FHOD3: variants seen among roughly 807,000 people sequenced by gnomAD.
FHOD3 encodes formin homology 2 domain containing 3.
In FHOD3, 90 loss-of-function variants were observed where a neutral mutation model predicts 173.0. That is an observed-to-expected ratio of 0.52 (90% CI 0.44 to 0.62). The LOEUF is 0.62. Ranked by LOEUF, FHOD3 falls within the 20% of genes least tolerant of loss-of-function variation. The pLI is 0.00. For synonymous variants in FHOD3, 828 were observed against 823.0 expected (o/e 1.01, Z -0.10); for missense variants, 1,945 against 2,034.7 (o/e 0.96, Z 0.85).
At chr18:36,551,531 T>A (rs569360321) in intron 5 of FHOD3, among the ~76,000 whole-genome samples, 2 of 152,324 alleles carry the variant, frequency 1.3e-5, no homozygotes, top group African/African-American at 4.8e-5. Context: ...TTTTGGCTTT[T>A]GTTGCCGTTG....
intron 1 of FHOD3, among the ~76,000 whole-genome samples, chr18:36,314,756 CAG>C (rs1487042136): frequency 1.3e-5 from 2 of 152,154 alleles, no homozygotes; most frequent in African/African-American, 2.4e-5. Flanking sequence ...AATGAAAAAC[CAG>C]AGTCTATCTT....
chr18:36,746,482 A>G (rs1218868535), intron 23 of FHOD3, among the ~76,000 whole-genome samples: 1 of 152,202 alleles, frequency 6.6e-6, no homozygotes, highest in Non-Finnish European at 1.5e-5. Flanking sequence ...TATAAAGGAG[A>G]TCATCACGAA....
rs1186373213 is a variant in FHOD3 at position 36,780,072 on chromosome 18, A to C, written c.*542A>C. 5 of 1,116,216 alleles carry C rather than the reference A, an allele frequency of 4.5e-6. No individual in the cohort carries two copies. In the African/African-American group the frequency reaches 8.1e-5, roughly 18 times the overall value. The allele number at this position is 1,116,216 out of a possible 1,614,324, so 69.1% of individuals were successfully genotyped here. A position where few individuals can be genotyped will look rare whatever the true frequency, so the allele number is the denominator to read the frequency against. ...TTTAATGCCATAATGAGAAACTTTT[A>C]TTCTTCTGGGAACAGGACCTTAAAC... is the stretch of plus-strand genomic sequence containing the variant. On this transcript the variant is annotated 3_prime_UTR_variant, in exon 29 of 29. Coordinates refer to ENST00000590592, the MANE Select transcript of FHOD3 (RefSeq NM_001281740.3).
At chr18:36,456,865 G>A (rs187120263) in intron 3 of FHOD3, among the ~76,000 whole-genome samples, 2 of 152,104 alleles carry the variant, frequency 1.3e-5, no homozygotes, top group Admixed American at 1.3e-4. Flanking sequence ...ATTTAGTGCT[G>A]ACTAAGTGTG....
intron 14 of FHOD3, among the ~76,000 whole-genome samples, chr18:36,675,621 A>G (rs2037806944): frequency 6.6e-6 from 1 of 152,160 alleles, no homozygotes; most frequent in African/African-American, 2.4e-5. Context: ...AGCTGTTGCC[A>G]GTGGGAAGGG....
At chr18:36,454,100 C>T (rs1265298713) in intron 3 of FHOD3, among the ~76,000 whole-genome samples, 1 of 152,248 alleles carries the variant, frequency 6.6e-6, no homozygotes, top group Non-Finnish European at 1.5e-5. Flanking sequence ...CATGAGAGCT[C>T]GGGCAGTGTT....
chr18:36,361,920 G>A (rs962499316), intron 2 of FHOD3, among the ~76,000 whole-genome samples: 1 of 152,154 alleles, frequency 6.6e-6, no homozygotes, highest in Admixed American at 6.5e-5. Flanking sequence ...TCAAAGTTGA[G>A]AACCACTGCG....
At chr18:36,636,617 A>G (rs2034902780) in intron 10 of FHOD3, among the ~76,000 whole-genome samples, 1 of 151,836 alleles carries the variant, frequency 6.6e-6, no homozygotes, top group Non-Finnish European at 1.5e-5. Flanking sequence ...CTCAATTACC[A>G]TATCCACATG....
intron 11 of FHOD3, 66 bp downstream of exon 11, chr18:36,649,471 A>G (rs1473673653): frequency 7.8e-7 from 1 of 1,284,604 alleles, no homozygotes; most frequent in Non-Finnish European, 1.1e-6. Flanking sequence ...ATGATAGTTC[A>G]CTGCCTTCTA....
intron 8 of FHOD3, among the ~76,000 whole-genome samples, chr18:36,606,140 A>C (rs2032046546): frequency 6.6e-6 from 1 of 152,210 alleles, no homozygotes; most frequent in South Asian, 2.1e-4. Context: ...TGGATGGTAC[A>C]TGCTGAGTAG....
chr18:36,470,763 C>T (rs920343711), intron 3 of FHOD3, among the ~76,000 whole-genome samples: 1 of 152,192 alleles, frequency 6.6e-6, no homozygotes, highest in Non-Finnish European at 1.5e-5. Context: ...CCGCTCCGCG[C>T]TGGGATATTG....
intron 2 of FHOD3, among the ~76,000 whole-genome samples, chr18:36,366,320 G>A (rs577345599): frequency 2.6e-5 from 4 of 152,124 alleles, no homozygotes; most frequent in Non-Finnish European, 5.9e-5. Flanking sequence ...CATACAGAAA[G>A]TGAGAATATT....
chr18:36,736,080 G>A (rs973699629), intron 20 of FHOD3, among the ~76,000 whole-genome samples: 3 of 152,232 alleles, frequency 2.0e-5, no homozygotes, highest in African/African-American at 4.8e-5. Context: ...TGATGGGGGT[G>A]CCTCACTTAC....
At chr18:36,387,516 A>T (rs945930408) in intron 3 of FHOD3, among the ~76,000 whole-genome samples, 5 of 152,214 alleles carry the variant, frequency 3.3e-5, no homozygotes. Flanking sequence ...AAAATAACAC[A>T]TCAATCTTTA....
chr18:36,728,993 C>A (rs2041214133), intron 19 of FHOD3, among the ~76,000 whole-genome samples: 1 of 152,198 alleles, frequency 6.6e-6, no homozygotes, highest in Non-Finnish European at 1.5e-5. Flanking sequence ...GACAAAGCCA[C>A]TTCTTATCTC....
intron 3 of FHOD3, among the ~76,000 whole-genome samples, chr18:36,485,154 CT>C (rs1194108106): frequency 4.9e-3 from 1 of 206 alleles, no homozygotes; most frequent in Non-Finnish European, 9.6e-3. Flanking sequence ...TTAAGTTCCC[CT>C]TTCCCCACCC....
intron 3 of FHOD3, among the ~76,000 whole-genome samples, chr18:36,457,253 G>GA (rs2052272704): frequency 6.6e-6 from 1 of 152,122 alleles, no homozygotes. Flanking sequence ...AGTGAGGAGT[G>GA]ACTTAATGCT....
chr18:36,594,276 C>A (rs1212498046), intron 6 of FHOD3, among the ~76,000 whole-genome samples: 3 of 152,022 alleles, frequency 2.0e-5, no homozygotes, highest in African/African-American at 7.2e-5. Context: ...TGGCTCCAGG[C>A]GGCCTTCTCT....
intron 2 of FHOD3, among the ~76,000 whole-genome samples, chr18:36,360,463 G>A (rs2046554947): frequency 6.6e-6 from 1 of 152,224 alleles, no homozygotes; most frequent in South Asian, 2.1e-4. Flanking sequence ...GGGGCTGGTA[G>A]TCCTCCAACC....
Sources: gnomAD v4.1 joint callset for allele counts (sites outside exome capture counted in the v4.1 genomes callset) on GRCh38, gnomAD v4.1.1 for gene constraint, MANE v1.5 for transcripts, NCBI Gene and HGNC (gene_info 2026-07-23, HGNC 2026-07-21) for gene names.